Variants in NAALADL2 observed in about 807,000 individuals in gnomAD.
The protein encoded by NAALADL2 is inactive N-acetylated-alpha-linked acidic dipeptidase-like protein 2.
NAALADL2 carries 76 observed loss-of-function variants against 87.2 expected under a neutral mutation model. The ratio of observed to expected loss-of-function variants is 0.87; its 90% CI spans 0.72 to 1.05. The LOEUF is 1.05. NAALADL2 is among the 50% of genes least tolerant of loss of function. The pLI, the probability that NAALADL2 is intolerant of heterozygous loss-of-function variation, is 0.00. For synonymous variants in NAALADL2, 354 were observed against 331.0 expected, an observed-to-expected ratio of 1.07 and a Z score of -0.75; for missense variants, 1,089 against 945.8, an observed-to-expected ratio of 1.15 and a Z score of -1.99.
At chr3:174,983,845 T>C (rs187398120) in intron 1 of NAALADL2, among the ~76,000 whole-genome samples, 4 of 152,346 alleles carry the variant, frequency 2.6e-5, no homozygotes, top group Admixed American at 2.0e-4. Context: ...ACTATCTCCA[T>C]GAATTAGCTA....
At chr3:175,653,765 G>A (rs1242577396) in intron 11 of NAALADL2, among the ~76,000 whole-genome samples, 1 of 152,076 alleles carries the variant, frequency 6.6e-6, no homozygotes, top group Non-Finnish European at 1.5e-5. Flanking sequence ...ACTTTCATGA[G>A]GTTCTCTCTT....
At chr3:174,810,611 AAT>A in intron 3 of NAALADL2, among the ~76,000 whole-genome samples, 1 of 152,044 alleles carries the variant, frequency 6.6e-6, no homozygotes, top group African/African-American at 2.4e-5. Flanking sequence ...AAAAAAAAAA[AAT>A]GATCCAAAAC....
rs535592045 is a variant in NAALADL2 at position 175,007,645 on chromosome 3, C to T, written c.44-89145C>T. ...AGAAGTAGCGTATGTCCTGCTTATC[C>T]TTGGGGGATACATTCCAAGACCCCA... On this transcript the variant is annotated intron_variant, in intron 1 of 13. Transcript: ENST00000454872. Among the ~76,000 whole-genome samples, 7 of 152,188 alleles carry T rather than the reference C, an allele frequency of 4.6e-5. No individual in the cohort carries two copies. The South Asian group carries it at 1.5e-3, about 32-fold the overall frequency.
At chr3:175,698,769 A>G (rs1738560109) in intron 11 of NAALADL2, among the ~76,000 whole-genome samples, 1 of 151,784 alleles carries the variant, frequency 6.6e-6, no homozygotes, top group Admixed American at 6.6e-5. Flanking sequence ...CCAGCTTTAT[A>G]ATCTTTGTAA....
chr3:174,668,297 C>T (rs1242044744), intron 2 of NAALADL2, among the ~76,000 whole-genome samples: 1 of 152,064 alleles, frequency 6.6e-6, no homozygotes, highest in Non-Finnish European at 1.5e-5. Context: ...ATACTTTCCC[C>T]TTTCCATACA....
At chr3:175,082,484 A>G (rs1037169480) in intron 1 of NAALADL2, among the ~76,000 whole-genome samples, 5 of 152,214 alleles carry the variant, frequency 3.3e-5, no homozygotes, top group Admixed American at 2.0e-4. Flanking sequence ...CTTAGAGGTG[A>G]TAAATTATGC....
chr3:175,527,562 G>C (rs1000690696), intron 9 of NAALADL2, among the ~76,000 whole-genome samples: 3 of 152,094 alleles, frequency 2.0e-5, no homozygotes, highest in African/African-American at 4.8e-5. Context: ...TCAAATGAGT[G>C]AGTTAGTCAA....
At chr3:174,828,217 C>G (rs549733752) in intron 3 of NAALADL2, among the ~76,000 whole-genome samples, 11 of 150,510 alleles carry the variant, frequency 7.3e-5, no homozygotes, top group Non-Finnish European at 5.9e-5. Context: ...AATCTTCCCC[C>G]CAAAAGATGG....
At chr3:175,697,813 GTAT>G (rs1738088231) in intron 11 of NAALADL2, among the ~76,000 whole-genome samples, 2 of 133,944 alleles carry the variant, frequency 1.5e-5, no homozygotes, top group Non-Finnish European at 3.1e-5. Context: ...ATATATTTAT[GTAT>G]GTATACATAT....
At chr3:175,720,154 AATG>A (rs1299575057) in intron 11 of NAALADL2, among the ~76,000 whole-genome samples, 1 of 152,186 alleles carries the variant, frequency 6.6e-6, no homozygotes, top group Non-Finnish European at 1.5e-5. Context: ...AATTATAAAT[AATG>A]GTAGAAATTG....
intron 5 of NAALADL2, among the ~76,000 whole-genome samples, chr3:175,349,036 G>A (rs1021247604): frequency 6.6e-6 from 1 of 151,958 alleles, no homozygotes; most frequent in Non-Finnish European, 1.5e-5. Flanking sequence ...CACATACATA[G>A]TTGAGTTTCT....
intron 2 of NAALADL2, among the ~76,000 whole-genome samples, chr3:174,680,040 G>T (rs1463487089): frequency 6.7e-6 from 1 of 149,466 alleles, no homozygotes; most frequent in East Asian, 1.9e-4. Context: ...ATATCAAAAT[G>T]TGTTTTTTAT....
At chr3:175,299,109 T>C (rs1756719569) in intron 4 of NAALADL2, among the ~76,000 whole-genome samples, 1 of 152,174 alleles carries the variant, frequency 6.6e-6, no homozygotes, top group Non-Finnish European at 1.5e-5. Flanking sequence ...GAGGCCTCTG[T>C]TCTGTACCAT....
intron 9 of NAALADL2, among the ~76,000 whole-genome samples, chr3:175,529,510 C>A (rs1161740798): frequency 2.6e-5 from 4 of 152,078 alleles, no homozygotes; most frequent in African/African-American, 9.7e-5. Flanking sequence ...AGAAACAGGA[C>A]CATATATTGG....
At chr3:175,526,335 T>C (rs1164990704) in intron 9 of NAALADL2, among the ~76,000 whole-genome samples, 1 of 152,194 alleles carries the variant, frequency 6.6e-6, no homozygotes, top group Non-Finnish European at 1.5e-5. Context: ...CTGACCCTTA[T>C]TTTACAGTTA....
chr3:174,874,065 C>T (rs1024324388), intron 1 of NAALADL2, among the ~76,000 whole-genome samples: 6 of 152,034 alleles, frequency 3.9e-5, no homozygotes, highest in Non-Finnish European at 7.4e-5. Flanking sequence ...TGGCATAATA[C>T]AAGCCTCCAG....
chr3:174,723,755 C>CAAAAAAAAAAAAAA (rs10663395), intron 2 of NAALADL2, among the ~76,000 whole-genome samples: 1 of 27,554 alleles, frequency 3.6e-5, no homozygotes, highest in Non-Finnish European at 5.4e-5. Context: ...GACTCCGTCT[C>CAAAAAAAAAAAAAA]AAAAAAAAAA....
intron 2 of NAALADL2, among the ~76,000 whole-genome samples, chr3:174,609,056 CAAA>C (rs1719466710): frequency 6.6e-6 from 1 of 151,744 alleles, no homozygotes; most frequent in African/African-American, 2.4e-5. Flanking sequence ...GAACCAAAGA[CAAA>C]AACCACATGA....
chr3:174,476,921 G>T (rs1055410491), intron 1 of NAALADL2, among the ~76,000 whole-genome samples: 2 of 151,972 alleles, frequency 1.3e-5, no homozygotes, highest in African/African-American at 4.8e-5. Flanking sequence ...ATATCTAAGG[G>T]AAGTGCGAAA....
Sources: allele counts gnomAD v4.1 joint callset (sites outside exome capture counted in the v4.1 genomes callset), GRCh38; gene constraint gnomAD v4.1.1; transcripts MANE v1.5; gene names NCBI Gene and HGNC (gene_info 2026-07-23, HGNC 2026-07-21).